The following YIPF1 variants were observed in gnomAD, a reference collection of about 807,000 sequenced individuals.
The protein encoded by YIPF1 is protein YIPF1.
In YIPF1, 22 loss-of-function variants were observed where a neutral mutation model predicts 37.0. The observed-to-expected ratio is 0.59, with a 90% CI of 0.42 to 0.85. YIPF1 has a LOEUF of 0.85. Among genes scored for constraint, YIPF1 ranks in the 40% least tolerant of loss-of-function variants. YIPF1 has a pLI of 0.00. For synonymous variants in YIPF1, 128 were observed against 131.9 expected, an observed-to-expected ratio of 0.97 and a Z score of 0.21; for missense variants, 355 against 373.1, an observed-to-expected ratio of 0.95 and a Z score of 0.40.
intron 10 of YIPF1, among the ~76,000 whole-genome samples, chr1:53,852,697 C>A (rs1320413684): frequency 2.6e-5 from 4 of 151,786 alleles, no homozygotes; most frequent in African/African-American, 9.7e-5. Flanking sequence ...GAGATAATGG[C>A]AGGATATGAG....
chr1:53,877,339 A>G (rs1650360286), intron 6 of YIPF1, among the ~76,000 whole-genome samples: 1 of 152,198 alleles, frequency 6.6e-6, no homozygotes, highest in South Asian at 2.1e-4. Flanking sequence ...TTTACTATTT[A>G]TCATTTCTGA....
chr1:53,862,958 A>G (rs1649922401), intron 9 of YIPF1, among the ~76,000 whole-genome samples: 3 of 152,122 alleles, frequency 2.0e-5, no homozygotes, highest in Non-Finnish European at 4.4e-5. Flanking sequence ...GCAGCGCACA[A>G]TGCCTCCAGA....
intron 10 of YIPF1, among the ~76,000 whole-genome samples, chr1:53,856,350 T>C (rs1218331495): frequency 6.6e-6 from 1 of 152,196 alleles, no homozygotes; most frequent in Non-Finnish European, 1.5e-5. Context: ...ACTTAAGTCC[T>C]AGCTCAGGGG....
chr1:53,877,631 C>T lies in YIPF1; in HGVS notation c.364+684G>A, dbSNP rs868397248. ...GGCCCAATCCTGTTTTAGACTTCCA[C>T]TGCTGGTGACCAAATCCTAAAAGGA... On this transcript the variant is annotated intron_variant, in intron 6 of 10. Transcript: ENST00000072644. 7.0e-4 allele frequency among the ~76,000 whole-genome samples: 106 copies of T among 152,134 alleles called. 1 individual carries two copies. Among genetic ancestry groups the T allele is most frequent in the African/African-American group, 2.3e-3 (95 of 41,412 alleles).
At chr1:53,869,131 T>TTCTCTCTCTCTC (rs759374987) in intron 7 of YIPF1, among the ~76,000 whole-genome samples, 1 of 139,548 alleles carries the variant, frequency 7.2e-6, no homozygotes, top group East Asian at 2.2e-4. Context: ...CATGGATACA[T>TTCTCTCTCTCTC]TCTCTCTCTC....
chr1:53,866,116 A>G, intron 9 of YIPF1, 84 bp downstream of exon 9: 2 of 1,505,966 alleles, frequency 1.3e-6, no homozygotes, highest in South Asian at 2.6e-5. Context: ...CTCAATTTTA[A>G]AAGAACTGTT....
chr1:53,878,439 T>A (rs1157644350), intron 5 of YIPF1, 37 bp from the exon 6 acceptor site: 24 of 1,600,490 alleles, frequency 1.5e-5, no homozygotes, highest in Admixed American at 3.5e-5. Context: ...ACTGAAGTTT[T>A]TTAAGTTTAA....
At chr1:53,869,363 G>C (rs1341084897) in intron 7 of YIPF1, among the ~76,000 whole-genome samples, 5 of 151,984 alleles carry the variant, frequency 3.3e-5, no homozygotes, top group Non-Finnish European at 7.4e-5. Context: ...AATAGTTAAT[G>C]TTTATTGAAC....
rs141437004 is a variant in YIPF1, at chr1:53,869,097, A to AG, written c.482-2174dup. Among the ~76,000 whole-genome samples the AG allele has an allele frequency of 1.8e-3, 270 of 151,842 alleles. 2 individuals carry two copies. Among genetic ancestry groups the AG allele is most frequent in the African/African-American group, 6.3e-3 (263 of 41,424 alleles). ...AAGGGAAAGTGGGCATGGAAGGTAG[A>AG]GGGGAAGAAAAGAAGGAAGGATACA... On this transcript the variant is annotated intron_variant, in intron 7 of 10. Coordinates refer to ENST00000072644, the MANE Select transcript of YIPF1 (RefSeq NM_018982.5).
intron 4 of YIPF1, among the ~76,000 whole-genome samples, chr1:53,880,829 T>C (rs560365796): frequency 7.9e-5 from 12 of 152,262 alleles, no homozygotes; most frequent in African/African-American, 2.9e-4. Context: ...CCCTATTCAA[T>C]AAATAGTGCT....
At chr1:53,875,787 C>T (rs573827629) in intron 6 of YIPF1, among the ~76,000 whole-genome samples, 135 of 152,214 alleles carry the variant, frequency 8.9e-4, no homozygotes, top group Non-Finnish European at 1.7e-3. Context: ...TAGATATCTA[C>T]ATAAATCACT....
At position 53,852,004 on chromosome 1, in the gene YIPF1, A is replaced by T. The variant is rs1649606381; in HGVS notation, c.*275T>A. 6.6e-6 allele frequency: 1 copy of T among 152,274 alleles called. No homozygotes were observed. The highest frequency in any genetic ancestry group is 1.5e-5 in the Non-Finnish European group (1 of 68,078). 9.4% of individuals were successfully genotyped at this position (152,274 alleles called of 1,614,324 possible). A position where few individuals can be genotyped will look rare whatever the true frequency, so the allele number is the denominator to read the frequency against. On this transcript the variant is annotated 3_prime_UTR_variant, in exon 11 of 11. Transcript: ENST00000072644. ...CTGTGGTGGCAAAGGGACGGCACTG[A>T]GCATGCCTAACCTATTCCCTGGCAT... is the stretch of plus-strand genomic sequence containing the variant.
chr1:53,852,485 A>C (rs1356865689), intron 10 of YIPF1, among the ~76,000 whole-genome samples: 1 of 152,156 alleles, frequency 6.6e-6, no homozygotes, highest in Non-Finnish European at 1.5e-5. Flanking sequence ...ATGCTTTAAA[A>C]AGTTTTCTTC....
rs1650739363 is a variant in YIPF1 at position 53,889,265 on chromosome 1, G to GGTGC, written c.-75_-72dup. The stretch of plus-strand genomic sequence containing the variant: ...TCACTGTGTGAATGTTTAGAGAGCA[G>GGTGC]GTGCAGCCTAGAGATGTAACGATGA... On this transcript the variant is annotated 5_prime_UTR_variant, in exon 2 of 11. Transcript: ENST00000072644. 4.0e-6 allele frequency: 1 copy of GGTGC among 250,442 alleles called. No individual in the cohort carries two copies. Among genetic ancestry groups the GGTGC allele is most frequent in the East Asian group, 7.6e-5 (1 of 13,198 alleles). 15.5% of individuals were successfully genotyped at this position (250,442 alleles called of 1,614,324 possible). A position where few individuals can be genotyped will look rare whatever the true frequency, so the allele number is the denominator to read the frequency against.
chr1:53,887,906 T>C (rs553694936), intron 3 of YIPF1, among the ~76,000 whole-genome samples: 123 of 152,160 alleles, frequency 8.1e-4, no homozygotes, highest in Admixed American at 2.5e-3. Context: ...GCCTGACATA[T>C]AGTAAATGTT....
At chr1:53,877,647 C>T (rs1317706810) in intron 6 of YIPF1, among the ~76,000 whole-genome samples, 1 of 152,108 alleles carries the variant, frequency 6.6e-6, no homozygotes, top group Admixed American at 6.6e-5. Flanking sequence ...GTGACCAAAT[C>T]CTAAAAGGAG....
At chr1:53,864,545 T>C (rs1332784214) in intron 9 of YIPF1, among the ~76,000 whole-genome samples, 1 of 152,130 alleles carries the variant, frequency 6.6e-6, no homozygotes, top group Non-Finnish European at 1.5e-5. Context: ...TAATGAGACA[T>C]GGTTATCTAC....
At chr1:53,878,268 A>C (rs1202595420) in intron 6 of YIPF1, 47 bp downstream of exon 6, 10 of 1,592,240 alleles carry the variant, frequency 6.3e-6, no homozygotes, top group Admixed American at 1.7e-5. Context: ...CCTCACACTC[A>C]CCCAAGTTCA....
Position 53,883,197 on chromosome 1 carries a change from T to G in YIPF1, c.111A>C (p.Pro37=). The change falls in exon 4 of 11, where the codon CCA becomes CCC. Residue 37 remains proline (P), a synonymous_variant. Transcript: ENST00000072644. ...CTCTTGGGGATCCTGGCTGATGTTT[T>G]GGGGTTTCACCAGGATCCTCAATGT... ...TVNIEDPGET[P]KHQPGSPRGS... 1 of 1,601,822 alleles carries G rather than the reference T, an allele frequency of 6.2e-7. No individual in the cohort carries two copies. The highest frequency in any genetic ancestry group is 1.3e-5 in the African/African-American group (1 of 74,454).
Sources: gnomAD v4.1 joint callset for allele counts (sites outside exome capture counted in the v4.1 genomes callset) on GRCh38, gnomAD v4.1.1 for gene constraint, MANE v1.5 for transcripts, NCBI Gene and HGNC (gene_info 2026-07-23, HGNC 2026-07-21) for gene names.